Variants in SPATA13 observed in about 807,000 individuals in gnomAD.
SPATA13 encodes spermatogenesis associated 13.
In SPATA13, 50 loss-of-function variants were observed where a neutral mutation model predicts 104.0. That is an observed-to-expected ratio of 0.48 (90% CI 0.38 to 0.61). The LOEUF is 0.61. Ranked by LOEUF, SPATA13 falls within the 20% of genes least tolerant of loss-of-function variation. SPATA13 has a pLI of 0.00. For missense variants in SPATA13, 1,524 were observed against 1,690.6 expected, an observed-to-expected ratio of 0.90 and a Z score of 1.73; for synonymous variants, 606 against 667.5, an observed-to-expected ratio of 0.91 and a Z score of 1.42.
chr13:24,187,058 G>C (rs1299403717), intron 1 of SPATA13, among the ~76,000 whole-genome samples: 2 of 152,120 alleles, frequency 1.3e-5, no homozygotes, highest in African/African-American at 4.8e-5. Context: ...CAAACACCAG[G>C]TTGCATGTTA....
chr13:24,123,767 G>C lies in SPATA13; in HGVS notation c.-111-99052G>C. 1.1e-5 allele frequency: 14 copies of C among 1,312,820 alleles called. No homozygotes were observed. The South Asian group carries it at 1.6e-4, about 15-fold the overall frequency. The allele number at this position is 1,312,820 out of a possible 1,614,324, so 81.3% of individuals were successfully genotyped here. Reference sequence around the variant, plus strand: ...CATCTTGGATAATGCCTTGTATATGGGGCTTTGGATTCTTCCAGGTGAGAG... The same window carrying C: ...CATCTTGGATAATGCCTTGTATATGCGGCTTTGGATTCTTCCAGGTGAGAG... On this transcript the variant is annotated intron_variant, in intron 3 of 14. Coordinates refer to the SPATA13 transcript ENST00000424834.
chr13:24,242,067 A>G (rs1872866291), intron 2 of SPATA13, among the ~76,000 whole-genome samples: 1 of 152,138 alleles, frequency 6.6e-6, no homozygotes, highest in Admixed American at 6.5e-5. Flanking sequence ...AAAATGAAAA[A>G]AGAAAAGAAA....
chr13:24,276,497 C>T (rs1332808000), intron 4 of SPATA13, among the ~76,000 whole-genome samples: 1 of 152,104 alleles, frequency 6.6e-6, no homozygotes, highest in Non-Finnish European at 1.5e-5. Context: ...TGCCAAGGAA[C>T]AGGAGAGGAA....
intron 3 of SPATA13, among the ~76,000 whole-genome samples, chr13:24,116,398 G>C (rs1448182031): frequency 1.3e-5 from 2 of 152,212 alleles, no homozygotes; most frequent in East Asian, 3.8e-4. Context: ...GGGAGACACA[G>C]AATTGGGGGA....
intron 4 of SPATA13, among the ~76,000 whole-genome samples, chr13:24,272,277 C>T (rs1038401281): frequency 1.3e-5 from 2 of 152,164 alleles, no homozygotes; most frequent in African/African-American, 4.8e-5. Flanking sequence ...CAGCTCTGAG[C>T]GGTGCTCCCT....
At chr13:24,198,863 C>T (rs577284633) in intron 1 of SPATA13, among the ~76,000 whole-genome samples, 1 of 152,142 alleles carries the variant, frequency 6.6e-6, no homozygotes, top group African/African-American at 2.4e-5. Context: ...GGTACCTCTT[C>T]CTCAGGGGTG....
At chr13:24,292,671 C>T (rs1876476675) in intron 9 of SPATA13, among the ~76,000 whole-genome samples, 1 of 152,046 alleles carries the variant, frequency 6.6e-6, no homozygotes, top group Non-Finnish European at 1.5e-5. Flanking sequence ...GTCCTCTCTG[C>T]CTCTGAACTC....
intron 2 of SPATA13, among the ~76,000 whole-genome samples, chr13:24,232,633 C>G (rs993680526): frequency 6.6e-6 from 1 of 152,184 alleles, no homozygotes; most frequent in African/African-American, 2.4e-5. Flanking sequence ...CCTCAACCTC[C>G]CAAGGTCAAG....
At chr13:24,132,781 C>T (rs1015918837) in intron 3 of SPATA13, among the ~76,000 whole-genome samples, 1 of 152,096 alleles carries the variant, frequency 6.6e-6, no homozygotes, top group Non-Finnish European at 1.5e-5. Flanking sequence ...CGAGACCAGC[C>T]TGGCCAACAT....
intron 3 of SPATA13, among the ~76,000 whole-genome samples, chr13:24,099,485 G>A (rs1880188099): frequency 6.6e-6 from 1 of 152,262 alleles, no homozygotes; most frequent in African/African-American, 2.4e-5. Context: ...CTGTGGGGCA[G>A]TGCAGACATG....
chr13:24,096,265 G>A (rs1367709000), intron 3 of SPATA13, among the ~76,000 whole-genome samples: 18 of 152,160 alleles, frequency 1.2e-4, no homozygotes, highest in Admixed American at 1.1e-3. Flanking sequence ...TAAAGTTATG[G>A]TTAGTGCTGT....
intron 1 of SPATA13, among the ~76,000 whole-genome samples, chr13:24,209,411 T>C (rs1233972099): frequency 6.6e-6 from 1 of 152,220 alleles, no homozygotes; most frequent in Admixed American, 6.5e-5. Flanking sequence ...AAGACAGCTC[T>C]TGCCAAGGTT....
intron 3 of SPATA13, among the ~76,000 whole-genome samples, chr13:24,025,637 G>C (rs1038368894): frequency 6.6e-6 from 1 of 152,046 alleles, no homozygotes; most frequent in African/African-American, 2.4e-5. Flanking sequence ...TGGTATTCCT[G>C]GTTTTCAAAT....
chr13:24,187,007 G>C (rs1357734001), intron 1 of SPATA13, among the ~76,000 whole-genome samples: 2 of 152,160 alleles, frequency 1.3e-5, no homozygotes, highest in Non-Finnish European at 2.9e-5. Flanking sequence ...AACCAACAAA[G>C]AGACTTCTCT....
intron 12 of SPATA13, 111 bp downstream of exon 12, chr13:24,300,586 A>G (rs1362600220): frequency 1.0e-6 from 1 of 987,502 alleles, no homozygotes; most frequent in South Asian, 1.4e-5. Flanking sequence ...GGAGAACAGT[A>G]GAAGTTAGAA....
At chr13:24,289,288 A>G in intron 8 of SPATA13, 110 bp downstream of exon 8, 1 of 870,160 alleles carries the variant, frequency 1.1e-6, no homozygotes, top group Non-Finnish European at 1.8e-6. Context: ...TGCTAGATGA[A>G]TCTTCCATAG....
chr13:24,125,112 C>T (rs972992804), intron 3 of SPATA13, among the ~76,000 whole-genome samples: 4 of 152,228 alleles, frequency 2.6e-5, no homozygotes, highest in African/African-American at 9.6e-5. Flanking sequence ...TCTCCAACCC[C>T]TGGACCCATA....
rs1195253435 is a variant in SPATA13 at position 24,305,143 on chromosome 13, TC to T, written c.*2372del. On this transcript the variant is annotated 3_prime_UTR_variant, in exon 13 of 13. Transcript: ENST00000382108. ...CAGTTTAAGAGTCATTCTTAGGACT[TC>T]CATTTCCTAATATTTATTCATGGGT... is the stretch of plus-strand genomic sequence containing the variant. 6.6e-6 allele frequency: 1 copy of T among 152,010 alleles called. No homozygotes were observed. Among genetic ancestry groups the T allele is most frequent in the Non-Finnish European group, 1.5e-5 (1 of 67,940 alleles). 9.4% of individuals were successfully genotyped at this position (152,010 alleles called of 1,614,324 possible). A position where few individuals can be genotyped will look rare whatever the true frequency, so the allele number is the denominator to read the frequency against.
rs1346521995 is a variant in SPATA13 at position 24,306,213 on chromosome 13, G to A, written c.*3440G>A. On this transcript the variant is annotated 3_prime_UTR_variant, in exon 13 of 13. Coordinates refer to ENST00000382108, the MANE Select transcript of SPATA13 (RefSeq NM_001166271.3). ...GCAAAGTGCATTTAATTCAAAATTT[G>A]GTTCACAATATAAGTATTTTGTAAA... 2 of 152,144 alleles carry A rather than the reference G, an allele frequency of 1.3e-5. No homozygotes were observed. Among genetic ancestry groups the A allele is most frequent in the African/African-American group, 4.8e-5 (2 of 41,426 alleles). The allele number at this position is 152,144 out of a possible 1,614,324, so 9.4% of individuals were successfully genotyped here.
Sources: allele counts gnomAD v4.1 joint callset (sites outside exome capture counted in the v4.1 genomes callset), GRCh38; gene constraint gnomAD v4.1.1; transcripts MANE v1.5; gene names NCBI Gene and HGNC (gene_info 2026-07-23, HGNC 2026-07-21).